EDEM1: variants seen among roughly 807,000 people sequenced by gnomAD.
The protein encoded by EDEM1 is ER degradation enhancing alpha-mannosidase like protein 1.
In EDEM1, 67 loss-of-function variants were observed where a neutral mutation model predicts 74.4. The observed-to-expected ratio is 0.90, with a 90% CI of 0.74 to 1.10. The LOEUF (loss-of-function observed/expected upper bound fraction) is 1.10, where lower values mean the gene tolerates loss of function less well. EDEM1 is among the 50% of genes least tolerant of loss of function. The pLI, the probability that EDEM1 is intolerant of heterozygous loss-of-function variation, is 0.00. For missense variants in EDEM1, 926 were observed against 851.6 expected (o/e 1.09, Z -1.09); for synonymous variants, 382 against 335.9 (o/e 1.14, Z -1.50).
At position 5,188,383 on chromosome 3, in the gene EDEM1, G is replaced by C. The variant is rs2054856088; in HGVS notation, c.509+69G>C. On this transcript the variant is annotated intron_variant, in intron 1 of 11. Coordinates refer to ENST00000256497, the MANE Select transcript of EDEM1 (RefSeq NM_014674.3). Reference sequence around the variant, plus strand: ...CTTCCGCCCTCCGCGCCGGGGTGCAGCCCTCTGTCCTCCGGGGCCCCCGAG... The same window carrying C: ...CTTCCGCCCTCCGCGCCGGGGTGCACCCCTCTGTCCTCCGGGGCCCCCGAG... 3 of 1,343,898 alleles carry C rather than the reference G, an allele frequency of 2.2e-6. No individual in the cohort carries two copies. In the South Asian group the frequency reaches 6.0e-5, roughly 27 times the overall value. The allele number at this position is 1,343,898 out of a possible 1,614,324, so 83.2% of individuals were successfully genotyped here. A position where few individuals can be genotyped will look rare whatever the true frequency, so the allele number is the denominator to read the frequency against.
In EDEM1 at chr3:5,211,119, G is replaced by C; in HGVS notation, c.1584-1G>C. On this transcript the variant is annotated splice_acceptor_variant, in intron 9 of 11. Coordinates refer to ENST00000256497, the MANE Select transcript of EDEM1 (RefSeq NM_014674.3). LOFTEE classifies it high-confidence loss of function. ...GGACTGACCAGATGATTGTTTTGTAGGTGTGGGTACGCCACGCTGCATCAC... is the reference window on the plus strand; with the variant it reads ...GGACTGACCAGATGATTGTTTTGTACGTGTGGGTACGCCACGCTGCATCAC... 6.2e-7 allele frequency: 1 copy of C among 1,614,046 alleles called. No individual in the cohort carries two copies. The highest frequency in any genetic ancestry group is 8.5e-7 in the Non-Finnish European group (1 of 1,180,000).
At chr3:5,213,624 C>A in intron 11 of EDEM1, 102 bp downstream of exon 11, 1 of 1,170,156 alleles carries the variant, frequency 8.5e-7, no homozygotes, top group Non-Finnish European at 1.2e-6. Context: ...ATGGTGTATG[C>A]AGATTGGGAG....
rs2055232302 is a variant in EDEM1 at position 5,216,110 on chromosome 3, C to T, written c.*192C>T. ...TGTTTCTCTCCTGTTCAATAAAATG[C>T]CCTGTTAAGGATATAATTTGAAGTG... is the stretch of plus-strand genomic sequence containing the variant. On this transcript the variant is annotated 3_prime_UTR_variant, in exon 12 of 12. Coordinates refer to ENST00000256497, the MANE Select transcript of EDEM1 (RefSeq NM_014674.3). 1.8e-6 allele frequency: 1 copy of T among 545,740 alleles called. No homozygotes were observed. Among genetic ancestry groups the T allele is most frequent in the South Asian group, 2.6e-5 (1 of 38,174 alleles). The allele number at this position is 545,740 out of a possible 1,614,324, so 33.8% of individuals were successfully genotyped here.
In EDEM1 at chr3:5,210,168, T is replaced by C; in HGVS notation, c.1510-7T>C. 1.2e-6 allele frequency: 2 copies of C among 1,613,672 alleles called. No individual in the cohort carries two copies. The highest frequency in any genetic ancestry group is 1.7e-5 in the Admixed American group (1 of 60,028). On this transcript the variant is annotated splice_polypyrimidine_tract_variant and splice_region_variant and intron_variant, in intron 8 of 11. Transcript: ENST00000256497. ...TGCTGGATCACATTCTCTCGTGTTC[T>C]CTCTAGGCAACCAAGAATCCCTTCT...
At chr3:5,197,459 C>A (rs1395750403) in intron 2 of EDEM1, among the ~76,000 whole-genome samples, 1 of 152,188 alleles carries the variant, frequency 6.6e-6, no homozygotes, top group East Asian at 1.9e-4. Context: ...GATTCTATAG[C>A]TATCTGACCA....
At position 5,219,304 on chromosome 3, in the gene EDEM1, T is replaced by C. The variant is rs1325345915; in HGVS notation, c.*3386T>C. 6.6e-6 allele frequency: 1 copy of C among 152,192 alleles called. No homozygotes were observed. Among genetic ancestry groups the C allele is most frequent in the Non-Finnish European group, 1.5e-5 (1 of 68,030 alleles). 9.4% of individuals were successfully genotyped at this position (152,192 alleles called of 1,614,324 possible). A position where few individuals can be genotyped will look rare whatever the true frequency, so the allele number is the denominator to read the frequency against. On this transcript the variant is annotated 3_prime_UTR_variant, in exon 12 of 12. Transcript: ENST00000256497. ...AATCTTTTTTCAAATGTAGTGCTGG[T>C]GAAAAGGTAGGGCTGAGTGATTACC...
chr3:5,188,066 G>A lies in EDEM1; in HGVS notation c.261G>A (p.Pro87=). 1.4e-6 allele frequency: 2 copies of A among 1,449,272 alleles called. No homozygotes were observed. The highest frequency in any genetic ancestry group is 1.8e-6 in the Non-Finnish European group (2 of 1,101,556). 89.8% of individuals were successfully genotyped at this position (1,449,272 alleles called of 1,614,324 possible). Residue 87 remains proline, a synonymous_variant, in exon 1 of 12, where the codon CCG becomes CCA. Transcript: ENST00000256497. The part of the protein sequence containing the change: ...TGAAQSPRKA[P]RRPGPGMCGP... ...CAGCGCAGAGCCCGCGCAAGGCTCC[G>A]CGGCGTCCTGGGCCGGGGATGTGCG...
chr3:5,201,985 C>A, intron 4 of EDEM1, 61 bp downstream of exon 4: 1 of 1,540,104 alleles, frequency 6.5e-7, no homozygotes, highest in South Asian at 1.3e-5. Context: ...AATTAAAATT[C>A]TTTGCTTACT....
At position 5,219,740 on chromosome 3, in the gene EDEM1, C is replaced by G. The variant is rs572330562; in HGVS notation, c.*3822C>G. 1.3e-5 allele frequency: 2 copies of G among 152,632 alleles called. No individual in the cohort carries two copies. The highest frequency in any genetic ancestry group is 2.1e-4 in the South Asian group (1 of 4,818). 9.5% of individuals were successfully genotyped at this position (152,632 alleles called of 1,614,324 possible). ...GAGTTGGAAACTCTGGGAAAACTTA[C>G]GGAAATACACAAATGCTTCTCTGTA... On this transcript the variant is annotated 3_prime_UTR_variant, in exon 12 of 12. Coordinates refer to ENST00000256497, the MANE Select transcript of EDEM1 (RefSeq NM_014674.3).
intron 8 of EDEM1, among the ~76,000 whole-genome samples, chr3:5,209,195 C>G (rs1164039378): frequency 6.6e-6 from 1 of 152,138 alleles, no homozygotes; most frequent in African/African-American, 2.4e-5. Flanking sequence ...GGAAAGAAAT[C>G]CTGTGAAACT....
At chr3:5,208,616 C>T (rs1055839120) in intron 8 of EDEM1, among the ~76,000 whole-genome samples, 2 of 152,104 alleles carry the variant, frequency 1.3e-5, no homozygotes, top group Non-Finnish European at 2.9e-5. Flanking sequence ...TGCAATTCTG[C>T]ATCAGTGTAC....
intron 7 of EDEM1, 152 bp from the exon 8 acceptor site, chr3:5,207,941 G>A: frequency 3.6e-6 from 3 of 828,966 alleles, no homozygotes; most frequent in Non-Finnish European, 5.5e-6. Context: ...TATTTGTCTG[G>A]GTTGTCACTT....
chr3:5,192,155 C>A (rs908359312), intron 1 of EDEM1, among the ~76,000 whole-genome samples: 7 of 152,146 alleles, frequency 4.6e-5, no homozygotes, highest in African/African-American at 1.7e-4. Context: ...CCTTTATTTG[C>A]TCAGTTCTTC....
intron 4 of EDEM1, among the ~76,000 whole-genome samples, chr3:5,202,634 C>A (rs980182389): frequency 6.6e-6 from 1 of 152,108 alleles, no homozygotes; most frequent in African/African-American, 2.4e-5. Flanking sequence ...AGAAGAAATT[C>A]TATAGTTTGC....
chr3:5,195,368 G>T (rs1341709836), intron 2 of EDEM1, 87 bp downstream of exon 2: 17 of 717,936 alleles, frequency 2.4e-5, no homozygotes, highest in Non-Finnish European at 2.7e-5. Flanking sequence ...GGAATTCCAG[G>T]GAGCCTGATA....
chr3:5,214,357 G>A (rs575119146), intron 11 of EDEM1, among the ~76,000 whole-genome samples: 5 of 152,186 alleles, frequency 3.3e-5, no homozygotes, highest in African/African-American at 1.2e-4. Context: ...CCCTCTCATC[G>A]CCGACTGTGC....
chr3:5,207,400 A>G, intron 7 of EDEM1, 127 bp downstream of exon 7: 3 of 1,309,244 alleles, frequency 2.3e-6, no homozygotes, highest in Non-Finnish European at 3.1e-6. Context: ...CTGACACTAT[A>G]CGTCTTCATC....
chr3:5,210,695 T>A (rs1334641124), intron 9 of EDEM1, among the ~76,000 whole-genome samples: 1 of 151,352 alleles, frequency 6.6e-6, no homozygotes, highest in Non-Finnish European at 1.5e-5. Flanking sequence ...TGTGACATGC[T>A]TTTTTTTACC....
intron 8 of EDEM1, among the ~76,000 whole-genome samples, chr3:5,208,968 G>T (rs529045358): frequency 1.3e-5 from 2 of 152,154 alleles, no homozygotes; most frequent in South Asian, 4.2e-4. Flanking sequence ...AGCACGAGTG[G>T]TTAACTCACC....
Sources: allele counts gnomAD v4.1 joint callset (sites outside exome capture counted in the v4.1 genomes callset), GRCh38; gene constraint gnomAD v4.1.1; transcripts MANE v1.5; gene names NCBI Gene and HGNC (gene_info 2026-07-23, HGNC 2026-07-21).